Variants in PALMD observed in about 807,000 individuals in gnomAD.
PALMD encodes paralemmin-like protein.
Under a neutral mutation model 56.2 loss-of-function variants are expected in PALMD, and 42 were observed. The observed-to-expected ratio is 0.75, with a 90% CI of 0.58 to 0.97. The LOEUF (loss-of-function observed/expected upper bound fraction) is 0.97, where lower values mean the gene tolerates loss of function less well. Ranked by LOEUF, PALMD falls within the 50% of genes least tolerant of loss-of-function variation. The pLI is 0.00. For synonymous variants in PALMD, 242 were observed against 222.9 expected (o/e 1.09, Z -0.76); for missense variants, 660 against 643.8 (o/e 1.03, Z -0.27).
chr1:99,673,763 G>A (rs1436929316), intron 3 of PALMD, among the ~76,000 whole-genome samples: 2 of 152,114 alleles, frequency 1.3e-5, no homozygotes, highest in Non-Finnish European at 2.9e-5. Context: ...AAGGGAAGAA[G>A]TCTACCCACT....
At chr1:99,684,086 A>G (rs1008297416) in intron 3 of PALMD, 2 of 152,230 alleles carry the variant, frequency 1.3e-5, no homozygotes, top group Non-Finnish European at 2.9e-5. Flanking sequence ...CTTCATAAAT[A>G]AATGTGTTTA....
chr1:99,680,448 G>A (rs1653313497), intron 3 of PALMD, among the ~76,000 whole-genome samples: 2 of 152,186 alleles, frequency 1.3e-5, no homozygotes, highest in Non-Finnish European at 1.5e-5. Context: ...CATGATGCCT[G>A]CCCACCATCT....
chr1:99,674,189 C>T (rs1653153287), intron 3 of PALMD, among the ~76,000 whole-genome samples: 1 of 152,096 alleles, frequency 6.6e-6, no homozygotes, highest in Non-Finnish European at 1.5e-5. Context: ...TTTCAGCATT[C>T]ATTCTTGCTC....
At chr1:99,665,397 T>G (rs909333792) in intron 2 of PALMD, among the ~76,000 whole-genome samples, 1 of 152,196 alleles carries the variant, frequency 6.6e-6, no homozygotes, top group Non-Finnish European at 1.5e-5. Context: ...TTTTGATTAC[T>G]ACAGTATATA....
At chr1:99,668,285 T>C (rs1166339104) in intron 3 of PALMD, 2 of 153,466 alleles carry the variant, frequency 1.3e-5, no homozygotes, top group Non-Finnish European at 2.9e-5. Context: ...GTAGAAATTT[T>C]ACTATAAGTA....
chr1:99,650,307 A>G (rs1186267312), intron 1 of PALMD, among the ~76,000 whole-genome samples: 1 of 96,164 alleles, frequency 1.0e-5, no homozygotes, highest in African/African-American at 3.6e-5. Context: ...AAAAAAAAAA[A>G]AAAAAAAAAA....
At chr1:99,667,794 A>G (rs369090562) in intron 3 of PALMD, 28 bp downstream of exon 3, 22 of 1,599,072 alleles carry the variant, frequency 1.4e-5, no homozygotes, top group Non-Finnish European at 1.8e-5. Flanking sequence ...ATACTCCACA[A>G]CTACCTTTAT....
chr1:99,654,766 A>T (rs1652682154), intron 1 of PALMD, among the ~76,000 whole-genome samples: 1 of 152,116 alleles, frequency 6.6e-6, no homozygotes, highest in Admixed American at 6.6e-5. Flanking sequence ...TTTAAATTTC[A>T]TCAAGGCATG....
intron 1 of PALMD, among the ~76,000 whole-genome samples, chr1:99,659,452 A>G (rs1242595812): frequency 6.6e-6 from 1 of 152,334 alleles, no homozygotes; most frequent in East Asian, 1.9e-4. Context: ...TACATTAATA[A>G]CCAGTAATGT....
intron 3 of PALMD, among the ~76,000 whole-genome samples, chr1:99,671,577 C>T (rs893397096): frequency 3.3e-5 from 5 of 152,182 alleles, no homozygotes; most frequent in African/African-American, 1.2e-4. Context: ...GCCAAGTTCT[C>T]TCCTTTCTTT....
At chr1:99,653,160 A>C (rs1652633405) in intron 1 of PALMD, among the ~76,000 whole-genome samples, 1 of 151,982 alleles carries the variant, frequency 6.6e-6, no homozygotes. Flanking sequence ...GCACCAAAAC[A>C]AAACAAAACA....
At position 99,667,598 on chromosome 1, in the gene PALMD, T is replaced by C. The variant is rs138865382; in HGVS notation, c.127-44T>C. 72 of 1,563,050 alleles carry C rather than the reference T, an allele frequency of 4.6e-5. No individual in the cohort carries two copies. In the African/African-American group the frequency reaches 9.4e-4, roughly 20 times the overall value. ...GAAAGCAGTAAGAGATTTTGGAAAT[T>C]ATTGACCAATATAAGAACATATCTT... On this transcript the variant is annotated intron_variant, in intron 2 of 7. Transcript: ENST00000263174.
chr1:99,681,141 A>G (rs1046429796), intron 3 of PALMD, among the ~76,000 whole-genome samples: 6 of 141,962 alleles, frequency 4.2e-5, no homozygotes, highest in Non-Finnish European at 7.9e-5. Context: ...GTGTGTATGT[A>G]TATATATATA....
intron 2 of PALMD, among the ~76,000 whole-genome samples, chr1:99,664,065 G>C (rs577391834): frequency 3.3e-5 from 5 of 152,164 alleles, no homozygotes; most frequent in Non-Finnish European, 5.9e-5. Flanking sequence ...CGTGCACTCT[G>C]GTTCAGGGAT....
intron 7 of PALMD, among the ~76,000 whole-genome samples, chr1:99,693,027 T>C (rs1054538307): frequency 1.3e-5 from 2 of 152,246 alleles, no homozygotes; most frequent in Admixed American, 1.3e-4. Flanking sequence ...CATGGTCTTG[T>C]TACAGAATTA....
In PALMD at chr1:99,653,956, G is replaced by T. The variant is rs145628509; in HGVS notation, c.45+7594G>T. Reference sequence around the variant, plus strand: ...CTGTTAGAAGTTGGTGCTAAGGGTTGATCAGAACTCTGATGAGTATAGAGA... The same window carrying T: ...CTGTTAGAAGTTGGTGCTAAGGGTTTATCAGAACTCTGATGAGTATAGAGA... On this transcript the variant is annotated intron_variant, in intron 1 of 7. Coordinates refer to ENST00000263174, the MANE Select transcript of PALMD (RefSeq NM_017734.5). Among the ~76,000 whole-genome samples the T allele has an allele frequency of 5.9e-5, 9 of 152,222 alleles. No homozygotes were observed. In the East Asian group the frequency reaches 1.7e-3, roughly 29 times the overall value.
intron 3 of PALMD, among the ~76,000 whole-genome samples, chr1:99,670,481 C>G (rs1653059581): frequency 6.6e-6 from 1 of 152,092 alleles, no homozygotes; most frequent in East Asian, 1.9e-4. Flanking sequence ...GCCACAGAGT[C>G]AGTAAAGGGT....
intron 3 of PALMD, among the ~76,000 whole-genome samples, chr1:99,677,841 T>C (rs191058152): frequency 6.6e-6 from 1 of 152,278 alleles, no homozygotes; most frequent in East Asian, 1.9e-4. Context: ...ACTAGGATGT[T>C]CTTTCTGCTC....
chr1:99,655,671 T>C (rs1652707262), intron 1 of PALMD, among the ~76,000 whole-genome samples: 1 of 152,180 alleles, frequency 6.6e-6, no homozygotes, highest in African/African-American at 2.4e-5. Context: ...TCTATAAATT[T>C]TTCTACCCCC....
Sources: gnomAD v4.1 joint callset for allele counts (sites outside exome capture counted in the v4.1 genomes callset) on GRCh38, gnomAD v4.1.1 for gene constraint, MANE v1.5 for transcripts, NCBI Gene and HGNC (gene_info 2026-07-23, HGNC 2026-07-21) for gene names.